HDAC8: variants seen among roughly 807,000 people sequenced by gnomAD.
HDAC8 encodes the protein histone deacetylase 8.
In HDAC8, 1 loss-of-function variant was observed where a neutral mutation model predicts 32.2. The observed-to-expected ratio is 0.03, with a 90% confidence interval of 0.01 to 0.15. The LOEUF (loss-of-function observed/expected upper bound fraction) is 0.15, where lower values mean the gene tolerates loss of function less well. HDAC8 is among the 10% of genes least tolerant of loss of function. The probability of loss-of-function intolerance (pLI) is 1.00; values close to 1 mark genes in which losing one functional copy is unlikely to be tolerated. For synonymous variants in HDAC8, 108 were observed against 113.9 expected (o/e 0.95, Z 0.33); for missense variants, 117 against 300.0 (o/e 0.39, Z 4.51).
intron 9 of HDAC8, among the ~76,000 whole-genome samples, chrX:72,385,123 TG>T (rs2045386318): frequency 8.9e-6 from 1 of 112,025 alleles, no homozygotes; most frequent in South Asian, 3.7e-4. Flanking sequence ...TTGCATTTAT[TG>T]TGATTTTGTT....
At chrX:72,406,839 C>T (rs2046052517) in intron 9 of HDAC8, among the ~76,000 whole-genome samples, 1 of 112,285 alleles carries the variant, frequency 8.9e-6, no homozygotes, top group Non-Finnish European at 1.9e-5. Context: ...TCAAAAGTCA[C>T]ATATGACTAG....
intron 4 of HDAC8, among the ~76,000 whole-genome samples, chrX:72,538,342 C>T (rs1164488407): frequency 9.1e-6 from 1 of 110,121 alleles, no homozygotes; most frequent in African/African-American, 3.3e-5. Context: ...CACCACCACA[C>T]CTGGTTAATT....
intron 10 of HDAC8, among the ~76,000 whole-genome samples, chrX:72,344,053 G>C (rs965937951): frequency 6.3e-5 from 7 of 111,772 alleles, no homozygotes; most frequent in Admixed American, 1.9e-4. Flanking sequence ...TGGTATCAGT[G>C]GAGGTCTATT....
At chrX:72,485,536 C>T (rs909703424) in intron 7 of HDAC8, among the ~76,000 whole-genome samples, 1 of 105,309 alleles carries the variant, frequency 9.5e-6, no homozygotes, top group Non-Finnish European at 1.9e-5. Context: ...GAGGAAAAAA[C>T]CATTTTAGAA....
In HDAC8 at chrX:72,566,735, C is replaced by A. The variant is rs373294558; in HGVS notation, c.437+1154G>T. Among the ~76,000 whole-genome samples the A allele has an allele frequency of 2.9e-4, 32 of 112,139 alleles. No individual in the cohort carries two copies. In the East Asian group the frequency reaches 8.7e-3, roughly 30 times the overall value. On this transcript the variant is annotated intron_variant, in intron 4 of 10. Transcript: ENST00000373573. ...CGATAAATTCAGAGTTTAAAAAATC[C>A]TTCTTCTTCAATGTGGATTAAGTAC...
chrX:72,433,728 C>A (rs897133605), intron 9 of HDAC8, among the ~76,000 whole-genome samples: 1 of 111,951 alleles, frequency 8.9e-6, no homozygotes, highest in Non-Finnish European at 1.9e-5. Context: ...TTAAAAATGT[C>A]ATTTTGTGGA....
chrX:72,370,608 C>T (rs1234504292), intron 9 of HDAC8, among the ~76,000 whole-genome samples: 3 of 112,071 alleles, frequency 2.7e-5, no homozygotes, highest in Admixed American at 9.4e-5. Flanking sequence ...ATCCACCTGC[C>T]TTGGGCTCCC....
chrX:72,505,083 A>AT (rs1347682106), intron 4 of HDAC8, among the ~76,000 whole-genome samples: 1 of 110,159 alleles, frequency 9.1e-6, no homozygotes, highest in African/African-American at 3.3e-5. Context: ...AAATTTAAAA[A>AT]TTTTTTAATT....
chrX:72,559,031 TCTCCCCCTCCCC>T (rs1289309260), intron 4 of HDAC8, among the ~76,000 whole-genome samples: 11 of 34,507 alleles, frequency 3.2e-4, no homozygotes, highest in East Asian at 1.1e-3. Context: ...ATACCTAGCT[TCTCCCCCTCCCC>T]CTCCCCCTCC....
intron 9 of HDAC8, among the ~76,000 whole-genome samples, chrX:72,445,225 G>A (rs1220120310): frequency 9.1e-6 from 1 of 110,184 alleles, no homozygotes. Flanking sequence ...GCATCACCAA[G>A]TCAATCCTAA....
chrX:72,454,868 A>G, intron 9 of HDAC8, among the ~76,000 whole-genome samples: 1 of 112,956 alleles, frequency 8.9e-6, no homozygotes, highest in East Asian at 2.8e-4. Flanking sequence ...AATAGCTTAC[A>G]GCATTGTCTT....
At chrX:72,337,446 T>C (rs1162758238) in intron 10 of HDAC8, among the ~76,000 whole-genome samples, 1 of 111,760 alleles carries the variant, frequency 8.9e-6, no homozygotes, top group East Asian at 2.8e-4. Context: ...TTTTCCTTCA[T>C]GACGTTGACT....
At chrX:72,547,989 C>T (rs1364919364) in intron 4 of HDAC8, among the ~76,000 whole-genome samples, 2 of 111,331 alleles carry the variant, frequency 1.8e-5, no homozygotes, top group Non-Finnish European at 3.8e-5. Flanking sequence ...TTCACCATTC[C>T]CCGTCCCCTA....
rs142757598 is a variant in HDAC8 at position 72,503,859 on chromosome X, C to G, written c.438-8591G>C. Among the ~76,000 whole-genome samples, 18 of 111,955 alleles carry G rather than the reference C, an allele frequency of 1.6e-4. 1 individual carries two copies. The East Asian group carries it at 4.8e-3, about 30-fold the overall frequency. On this transcript the variant is annotated intron_variant, in intron 4 of 10. Coordinates refer to ENST00000373573, the MANE Select transcript of HDAC8 (RefSeq NM_018486.3). ...TACAAAGCCCTCTTGGGAAAACTAG[C>G]CTGGTACCTGACTTACAGGGTTCTC...
At chrX:72,564,173 C>G (rs5958802) in intron 4 of HDAC8, among the ~76,000 whole-genome samples, 5,195 of 111,737 alleles carry the variant, frequency 0.046, 301 homozygotes, top group African/African-American at 0.16. Flanking sequence ...AAAAAAGAGG[C>G]TTACCTAATG....
intron 9 of HDAC8, among the ~76,000 whole-genome samples, chrX:72,401,210 C>T (rs1026111986): frequency 3.6e-5 from 4 of 111,898 alleles, no homozygotes; most frequent in East Asian, 5.6e-4. Flanking sequence ...ATGAGTGTTT[C>T]GTTTTCCCAC....
rs782614710 is a variant in HDAC8 at position 72,407,987 on chromosome X, G to A, written c.1005+54017C>T. 1.6e-3 allele frequency among the ~76,000 whole-genome samples: 174 copies of A among 111,590 alleles called. 4 individuals are homozygous for A. The highest frequency in any genetic ancestry group is 4.6e-3 in the Middle Eastern group (1 of 217). ...TTTCAAGGCCCATGGCAAGCAGAAA[G>A]TTTAGGAGAGCAAATGATGTGAGAA... On this transcript the variant is annotated intron_variant, in intron 9 of 10. Coordinates refer to ENST00000373573, the MANE Select transcript of HDAC8 (RefSeq NM_018486.3).
intron 9 of HDAC8, among the ~76,000 whole-genome samples, chrX:72,444,108 C>CA (rs1569302694): frequency 1.8e-5 from 2 of 109,104 alleles, no homozygotes; most frequent in African/African-American, 6.7e-5. Flanking sequence ...ACCAGAGGTA[C>CA]AAGGAGGAGC....
chrX:72,340,766 C>T (rs889724342), intron 10 of HDAC8, among the ~76,000 whole-genome samples: 4 of 111,738 alleles, frequency 3.6e-5, no homozygotes, highest in Non-Finnish European at 7.5e-5. Context: ...AGTCTCAGCA[C>T]TGCCAACTCC....
Sources: gnomAD v4.1 joint callset for allele counts (sites outside exome capture counted in the v4.1 genomes callset) on GRCh38, gnomAD v4.1.1 for gene constraint, MANE v1.5 for transcripts, NCBI Gene and HGNC (gene_info 2026-07-23, HGNC 2026-07-21) for gene names.